The following POLR3D variants were observed in gnomAD, a reference collection of about 807,000 sequenced individuals.
POLR3D encodes RNA polymerase III subunit D, also known as DNA-directed RNA polymerase III subunit RPC4.
Under a neutral mutation model 44.5 loss-of-function variants are expected in POLR3D, and 42 were observed. The observed-to-expected ratio is 0.94, with a 90% CI of 0.74 to 1.22. POLR3D has a LOEUF of 1.22. Ranked by LOEUF, POLR3D falls within the 50% of genes most tolerant of loss-of-function variation. The probability of loss-of-function intolerance (pLI) is 0.00; values close to 1 mark genes in which losing one functional copy is unlikely to be tolerated. For missense variants in POLR3D, 507 were observed against 505.2 expected, an observed-to-expected ratio of 1.00 and a Z score of -0.03; for synonymous variants, 217 against 198.1, an observed-to-expected ratio of 1.10 and a Z score of -0.80.
At position 22,247,230 on chromosome 8, in the gene POLR3D, AC is replaced by A; in HGVS notation, c.179del (p.Pro60GlnfsTer16). 1 of 1,613,152 alleles carries A rather than the reference AC, an allele frequency of 6.2e-7. No individual in the cohort carries two copies. The highest frequency in any genetic ancestry group is 8.5e-7 in the Non-Finnish European group (1 of 1,179,374). On this transcript the variant is annotated frameshift_variant, in exon 3 of 9. Transcript: ENST00000306433. LOFTEE classifies it high-confidence loss of function. Reference protein sequence around the residue: ...TLGGVKKKTFTPNIISRKIKE... With the variant: ...TLGGVKKKTFXPNIISRKIKE... ...TGTATTTTGCTTTCAGAAAACCTTC[AC>A]CCCAAATATCATCAGTCGGAAGATC...
At chr8:22,248,911 T>A (rs1285626647) in intron 6 of POLR3D, 133 bp from the exon 7 acceptor site, 3 of 1,020,042 alleles carry the variant, frequency 2.9e-6, no homozygotes, top group East Asian at 4.8e-5. Context: ...CTCTTGCCCC[T>A]CTGTATAACT....
At position 22,252,800 on chromosome 8, in the gene POLR3D, C is replaced by T. The variant is rs1481209088; in HGVS notation, c.*2282C>T. ...ACAGAAAGAAGGAACAATAGGCTTG[C>T]ACACTTTTCTAACTACATGTTTAAG... is the stretch of plus-strand genomic sequence containing the variant. On this transcript the variant is annotated 3_prime_UTR_variant, in exon 9 of 9. Transcript: ENST00000306433. The T allele has an allele frequency of 6.6e-6, 1 of 152,198 alleles. No individual in the cohort carries two copies. The highest frequency in any genetic ancestry group is 1.5e-5 in the Non-Finnish European group (1 of 68,042). 9.4% of individuals were successfully genotyped at this position (152,198 alleles called of 1,614,324 possible). A position where few individuals can be genotyped will look rare whatever the true frequency, so the allele number is the denominator to read the frequency against.
At chr8:22,247,785 T>A in intron 3 of POLR3D, 72 bp from the exon 4 acceptor site, 1 of 1,417,840 alleles carries the variant, frequency 7.1e-7, no homozygotes, top group Non-Finnish European at 9.8e-7. Flanking sequence ...AGTGAAGTGG[T>A]ATGGGAGAGT....
intron 2 of POLR3D, 70 bp downstream of exon 2, chr8:22,245,684 T>G: frequency 1.8e-6 from 2 of 1,087,586 alleles, no homozygotes; most frequent in Non-Finnish European, 2.4e-6. Flanking sequence ...CAACTAATGT[T>G]TGTGTAGGAC....
In POLR3D at chr8:22,249,318, A is replaced by G; in HGVS notation, c.921+9A>G. 1 of 1,611,910 alleles carries G rather than the reference A, an allele frequency of 6.2e-7. No homozygotes were observed. Among genetic ancestry groups the G allele is most frequent in the Non-Finnish European group, 8.5e-7 (1 of 1,178,272 alleles). The stretch of plus-strand genomic sequence containing the variant: ...AGCAGGAGAAAGACCGAGTACGCTC[A>G]GACAGAGGCCTGCGGGAATCAAGTC... On this transcript the variant is annotated intron_variant, in intron 7 of 8. Transcript: ENST00000306433.
In POLR3D at chr8:22,248,251, G is replaced by T. The variant is rs1294186771; in HGVS notation, c.459G>T (p.Gln153His). The T allele has an allele frequency of 8.7e-6, 14 of 1,614,084 alleles. No homozygotes were observed. In the Admixed American group the frequency reaches 1.7e-4, roughly 19 times the overall value. The stretch of plus-strand genomic sequence containing the variant: ...GAGAGACAGACGAAGAAACTAAACA[G>T]ATCTTGCGTATGCTGGAGAAGGACG... ...EKRETDEETK[Q>H]ILRMLEKDDF... Residue 153 changes from glutamine to histidine, a missense_variant, in exon 5 of 9, where the codon CAG becomes CAT. Coordinates refer to ENST00000306433, the MANE Select transcript of POLR3D (RefSeq NM_001722.3).
Position 22,249,214 on chromosome 8 carries a change from C to G in POLR3D, c.826C>G (p.Pro276Ala). ...GTTTCTGCAGCTGCCAGACACCCTC[C>G]CTGGCCAGCCACCCACCCAGGACAT... is the stretch of plus-strand genomic sequence containing the variant. ...LLFLQLPDTL[P>A]GQPPTQDIKP... Residue 276 changes from proline (P) to alanine (A), a missense_variant, in exon 7 of 9, where the codon CCT becomes GCT. By Grantham distance (27) the Pro-to-Ala change is conservative (BLOSUM62 -1). Transcript: ENST00000306433. 1 of 1,614,040 alleles carries G rather than the reference C, an allele frequency of 6.2e-7. No homozygotes were observed. The highest frequency in any genetic ancestry group is 1.1e-5 in the South Asian group (1 of 91,076).
chr8:22,248,737 A>C (rs1045136815), intron 6 of POLR3D, 88 bp downstream of exon 6: 10 of 1,318,264 alleles, frequency 7.6e-6, no homozygotes, highest in Non-Finnish European at 1.1e-6. Context: ...TGTGCCCCTG[A>C]CTGCTGCTCG....
chr8:22,245,620 C>G lies in POLR3D; in HGVS notation c.165+6C>G. 8.0e-7 allele frequency: 1 copy of G among 1,252,810 alleles called. No individual in the cohort carries two copies. The allele number at this position is 1,252,810 out of a possible 1,614,324, so 77.6% of individuals were successfully genotyped here. On this transcript the variant is annotated splice_donor_region_variant and intron_variant, in intron 2 of 8. Transcript: ENST00000306433. ...CCCTCGGGGGAGTCAAGAAGGTACC[C>G]AACGGCGCGTTTCTAAAGAAACTCA...
chr8:22,248,313 T>A (rs774941210), intron 5 of POLR3D, 35 bp downstream of exon 5: 18 of 1,608,088 alleles, frequency 1.1e-5, no homozygotes, highest in Non-Finnish European at 1.5e-5. Context: ...GGGGTTTCCT[T>A]GTGGCTGTAG....
At chr8:22,247,823 T>C in intron 3 of POLR3D, 34 bp from the exon 4 acceptor site, 1 of 1,599,008 alleles carries the variant, frequency 6.3e-7, no homozygotes, top group Non-Finnish European at 8.5e-7. Flanking sequence ...ACACAGTGAG[T>C]GAGTGGTTTC....
Position 22,252,067 on chromosome 8 carries a change from A to G in POLR3D, c.*1549A>G, listed in dbSNP as rs1278443491. 1 of 153,702 alleles carries G rather than the reference A, an allele frequency of 6.5e-6. No individual in the cohort carries two copies. Among genetic ancestry groups the G allele is most frequent in the East Asian group, 1.9e-4 (1 of 5,196 alleles). 9.5% of individuals were successfully genotyped at this position (153,702 alleles called of 1,614,324 possible). A position where few individuals can be genotyped will look rare whatever the true frequency, so the allele number is the denominator to read the frequency against. ...CATTTGTCAAGGCTGGGCTTCTCCT[A>G]CAAAGCCCTCAACCTGCCCAGCCAG... On this transcript the variant is annotated 3_prime_UTR_variant, in exon 9 of 9. Transcript: ENST00000306433.
Position 22,248,636 on chromosome 8 carries a change from A to G in POLR3D, c.642A>G (p.Ile214Met). 1 of 1,613,300 alleles carries G rather than the reference A, an allele frequency of 6.2e-7. No individual in the cohort carries two copies. The highest frequency in any genetic ancestry group is 2.2e-5 in the East Asian group (1 of 44,868). Residue 214 changes from isoleucine to methionine, a missense_variant, in exon 6 of 9, where the codon ATA becomes ATG. By Grantham distance (10) the Ile-to-Met change is conservative (BLOSUM62 1). Transcript: ENST00000306433. The stretch of plus-strand genomic sequence containing the variant: ...AGGAAGAGGACATGGAGGTGGACAT[A>G]CCTGCTGTGAAAGGTACTCTGTCGG... ...GPKEEDMEVD[I>M]PAVKVKEEPR...
rs529639628 is a variant in POLR3D, at chr8:22,245,157, G to A, written c.-32G>A. ...CAGACTTCCGCCCGGCGCGGAGACC[G>A]AAGGCTGGCGGCTGGTCGCGTTGCA... is the stretch of plus-strand genomic sequence containing the variant. On this transcript the variant is annotated 5_prime_UTR_variant, in exon 1 of 9. Transcript: ENST00000306433. 210 of 588,234 alleles carry A rather than the reference G, an allele frequency of 3.6e-4. 2 individuals carry two copies. Among genetic ancestry groups the A allele is most frequent in the South Asian group, 3.3e-3 (192 of 58,920 alleles). 36.4% of individuals were successfully genotyped at this position (588,234 alleles called of 1,614,324 possible).
In POLR3D at chr8:22,250,072, C is replaced by T. The variant is rs1830087565; in HGVS notation, c.922-3C>T. 1 of 1,614,020 alleles carries T rather than the reference C, an allele frequency of 6.2e-7. No individual in the cohort carries two copies. Among genetic ancestry groups the T allele is most frequent in the Non-Finnish European group, 8.5e-7 (1 of 1,179,982 alleles). ...AGTGTCCATCCTCTGGTTTTCTCCG[C>T]AGGAAGCCAAATTGGCAGAGAATGC... On this transcript the variant is annotated splice_region_variant and splice_polypyrimidine_tract_variant and intron_variant, in intron 7 of 8. Transcript: ENST00000306433.
At position 22,249,183 on chromosome 8, in the gene POLR3D, A is replaced by C. The variant is rs1445021409; in HGVS notation, c.795A>C (p.Glu265Asp). 1 of 1,613,912 alleles carries C rather than the reference A, an allele frequency of 6.2e-7. No homozygotes were observed. The highest frequency in any genetic ancestry group is 1.3e-5 in the African/African-American group (1 of 74,870). ...LRELSLTKEE[E>D]LLFLQLPDTL... ...AGCTGAGCCTCACCAAGGAAGAGGA[A>C]CTGCTGTTTCTGCAGCTGCCAGACA... is the stretch of plus-strand genomic sequence containing the variant. Residue 265 changes from glutamate (E) to aspartate (D), a missense_variant, in exon 7 of 9, where the codon GAA becomes GAC. Glu to Asp is a conservative substitution (Grantham distance 45). Transcript: ENST00000306433.
intron 7 of POLR3D, among the ~76,000 whole-genome samples, chr8:22,249,577 C>T (rs1398099478): frequency 1.3e-5 from 2 of 152,164 alleles, no homozygotes; most frequent in African/African-American, 4.8e-5. Flanking sequence ...TGCCTCTAAT[C>T]CCAGCGCTTT....
rs181286330 is a variant in POLR3D, at chr8:22,253,263, G to A, written c.*2745G>A. The A allele has an allele frequency of 6.6e-6, 1 of 152,350 alleles. No individual in the cohort carries two copies. The highest frequency in any genetic ancestry group is 1.9e-4 in the East Asian group (1 of 5,192). 9.4% of individuals were successfully genotyped at this position (152,350 alleles called of 1,614,324 possible). ...CTGCAAATGATGGTGTCCACAGCCA[G>A]AGTGGACAGTAGTACAGGAGCCTTC... On this transcript the variant is annotated 3_prime_UTR_variant, in exon 9 of 9. Transcript: ENST00000306433.
chr8:22,250,776 A>G lies in POLR3D; in HGVS notation c.*258A>G. ...CTATTTATTTTTGTATTTATGTCTT[A>G]ATCTCTTCCACTGATGCATCCTCCA... On this transcript the variant is annotated 3_prime_UTR_variant, in exon 9 of 9. Transcript: ENST00000306433. 2.1e-6 allele frequency: 1 copy of G among 471,444 alleles called. No homozygotes were observed. The highest frequency in any genetic ancestry group is 3.9e-6 in the Non-Finnish European group (1 of 255,838). The allele number at this position is 471,444 out of a possible 1,614,324, so 29.2% of individuals were successfully genotyped here.
Sources: gnomAD v4.1 joint callset for allele counts (sites outside exome capture counted in the v4.1 genomes callset) on GRCh38, gnomAD v4.1.1 for gene constraint, MANE v1.5 for transcripts, NCBI Gene and HGNC (gene_info 2026-07-23, HGNC 2026-07-21) for gene names.